Variants in MON2 observed in about 807,000 individuals in gnomAD.
MON2 encodes MON2 regulator of endosome-to-Golgi trafficking.
In MON2, 84 loss-of-function variants were observed where a neutral mutation model predicts 208.6. The ratio of observed to expected loss-of-function variants is 0.40; its 90% confidence interval spans 0.34 to 0.48. MON2 has a LOEUF of 0.48. Among genes scored for constraint, MON2 ranks in the 20% least tolerant of loss-of-function variants. The pLI is 0.59. For synonymous variants in MON2, 660 were observed against 694.0 expected (o/e 0.95, Z 0.77); for missense variants, 1,611 against 2,015.4 (o/e 0.80, Z 3.84).
intron 20 of MON2, among the ~76,000 whole-genome samples, chr12:62,543,595 T>C (rs1443122811): frequency 1.3e-5 from 2 of 152,088 alleles, no homozygotes; most frequent in African/African-American, 2.4e-5. Flanking sequence ...CATCATGAGA[T>C]AGCTTTTTTT....
chr12:62,469,958 G>T (rs1238868443), intron 1 of MON2, among the ~76,000 whole-genome samples: 1 of 151,004 alleles, frequency 6.6e-6, no homozygotes, highest in African/African-American at 2.4e-5. Flanking sequence ...GGCTGGAAGT[G>T]CAGTGGCAGG....
chr12:62,516,197 C>T (rs1283227913), intron 8 of MON2, among the ~76,000 whole-genome samples: 1 of 152,116 alleles, frequency 6.6e-6, no homozygotes, highest in Non-Finnish European at 1.5e-5. Flanking sequence ...CATGTTCTCA[C>T]TCGTTTGTAA....
At chr12:62,483,224 G>A (rs1333696422) in intron 1 of MON2, among the ~76,000 whole-genome samples, 3 of 152,012 alleles carry the variant, frequency 2.0e-5, no homozygotes, top group African/African-American at 7.2e-5. Flanking sequence ...GCTCAATTCA[G>A]ACTGGCCACA....
intron 27 of MON2, among the ~76,000 whole-genome samples, chr12:62,565,778 A>AT (rs2074359065): frequency 2.0e-5 from 3 of 152,210 alleles, no homozygotes; most frequent in African/African-American, 7.2e-5. Context: ...AACTGTTTGT[A>AT]CTAAATAAGA....
intron 1 of MON2, among the ~76,000 whole-genome samples, chr12:62,469,197 G>A (rs1179536298): frequency 1.3e-5 from 2 of 149,370 alleles, no homozygotes; most frequent in East Asian, 3.9e-4. Context: ...CCCACCTCTG[G>A]CTCCCAAAGT....
chr12:62,562,613 AGAGT>A (rs1207716758), intron 26 of MON2, among the ~76,000 whole-genome samples: 22 of 152,242 alleles, frequency 1.4e-4, no homozygotes, highest in African/African-American at 5.1e-4. Context: ...TTTTATTATC[AGAGT>A]GTTTTTATAT....
Position 62,565,293 on chromosome 12 carries a change from G to A in MON2, c.4089G>A (p.Gln1363=), listed in dbSNP as rs529887340. The change falls in exon 27 of 35, where the codon CAG becomes CAA. Residue 1363 remains glutamine, a synonymous_variant. Transcript: ENST00000393630. The part of the protein sequence containing the change: ...MQIMYPAIFD[Q]LLAFVEFSCK... The stretch of plus-strand genomic sequence containing the variant: ...TAATGTATCCAGCTATATTTGACCA[G>A]TTGTTGGCATTTGTAGAATTTTCCT... The A allele has an allele frequency of 1.0e-4, 164 of 1,613,208 alleles. 2 individuals are homozygous for A. In the South Asian group the frequency reaches 1.7e-3, roughly 17 times the overall value.
At position 62,560,706 on chromosome 12, in the gene MON2, T is replaced by A. The variant is rs1209121215; in HGVS notation, c.3625T>A (p.Phe1209Ile). The change falls in exon 26 of 35, where the codon TTT becomes ATT. Residue 1209 changes from phenylalanine to isoleucine, a missense_variant. Transcript: ENST00000393630. ...IGPISGMSRPFVRTDSIGEKL... is the reference protein window; with the variant it reads ...IGPISGMSRPIVRTDSIGEKL... ...GCCCATATCAGGCATGAGCAGGCCA[T>A]TTGTAAGAACAGATTCCATTGGAGA... is the stretch of plus-strand genomic sequence containing the variant. 4.3e-6 allele frequency: 7 copies of A among 1,614,102 alleles called. No homozygotes were observed. The highest frequency in any genetic ancestry group is 5.9e-6 in the Non-Finnish European group (7 of 1,179,992).
intron 11 of MON2, among the ~76,000 whole-genome samples, chr12:62,527,103 G>A (rs2072371835): frequency 6.6e-6 from 1 of 152,126 alleles, no homozygotes; most frequent in African/African-American, 2.4e-5. Context: ...TCCAGCCTGG[G>A]TGACAGAGTG....
chr12:62,492,719 G>T (rs1217637586), intron 2 of MON2, among the ~76,000 whole-genome samples: 1 of 143,656 alleles, frequency 7.0e-6, no homozygotes, highest in Non-Finnish European at 1.5e-5. Context: ...GGTGGCTCAC[G>T]CCTGTAATCC....
chr12:62,543,598 CT>C (rs896992311), intron 20 of MON2, among the ~76,000 whole-genome samples: 1 of 150,060 alleles, frequency 6.7e-6, no homozygotes. Context: ...CATGAGATAG[CT>C]TTTTTTTTTC....
intron 19 of MON2, among the ~76,000 whole-genome samples, chr12:62,539,019 C>T (rs150819514): frequency 1.2e-4 from 19 of 152,074 alleles, no homozygotes; most frequent in African/African-American, 4.1e-4. Flanking sequence ...TATTAACATT[C>T]AAGAACATTT....
At chr12:62,557,433 T>C (rs1221285579) in intron 25 of MON2, among the ~76,000 whole-genome samples, 1 of 152,224 alleles carries the variant, frequency 6.6e-6, no homozygotes, top group Non-Finnish European at 1.5e-5. Context: ...CATCTTACAA[T>C]GCAGCCTCCT....
At chr12:62,556,285 A>T in intron 25 of MON2, 93 bp downstream of exon 25, 1 of 1,192,540 alleles carries the variant, frequency 8.4e-7, no homozygotes, top group Non-Finnish European at 1.2e-6. Flanking sequence ...ATCTTAACTT[A>T]GTCTTTATGT....
chr12:62,555,673 G>A (rs1416855664), intron 24 of MON2, among the ~76,000 whole-genome samples: 2 of 152,030 alleles, frequency 1.3e-5, no homozygotes, highest in Non-Finnish European at 2.9e-5. Flanking sequence ...AGCTGGTGTG[G>A]TGGTGGACAC....
chr12:62,517,793 C>G (rs1343974428), intron 8 of MON2, among the ~76,000 whole-genome samples: 4 of 152,162 alleles, frequency 2.6e-5, no homozygotes, highest in Non-Finnish European at 4.4e-5. Flanking sequence ...ATACTTGGGC[C>G]AAGCTGAGAT....
At chr12:62,568,711 G>A (rs1047796208) in intron 29 of MON2, among the ~76,000 whole-genome samples, 1 of 152,006 alleles carries the variant, frequency 6.6e-6, no homozygotes, top group Non-Finnish European at 1.5e-5. Flanking sequence ...CTGGGCTGGA[G>A]TGCAGTGGCT....
At chr12:62,564,497 GAA>G (rs200141142) in intron 26 of MON2, among the ~76,000 whole-genome samples, 1 of 148,704 alleles carries the variant, frequency 6.7e-6, no homozygotes. Flanking sequence ...TTTGTGGCTA[GAA>G]AAAAAAACCC....
Position 62,596,465 on chromosome 12 carries a change from A to G in MON2, c.*3716A>G, listed in dbSNP as rs905479252. The stretch of plus-strand genomic sequence containing the variant: ...AAAACTACCACAGATGTAGACAAAA[A>G]TGATCTCTGAAAGCATTGCCAGCAG... On this transcript the variant is annotated 3_prime_UTR_variant, in exon 35 of 35. Coordinates refer to ENST00000393630, the MANE Select transcript of MON2 (RefSeq NM_015026.3). 1 of 152,222 alleles carries G rather than the reference A, an allele frequency of 6.6e-6. No individual in the cohort carries two copies. The highest frequency in any genetic ancestry group is 1.5e-5 in the Non-Finnish European group (1 of 68,040). 9.4% of individuals were successfully genotyped at this position (152,222 alleles called of 1,614,324 possible). A position where few individuals can be genotyped will look rare whatever the true frequency, so the allele number is the denominator to read the frequency against.
Sources: gnomAD v4.1 joint callset for allele counts (sites outside exome capture counted in the v4.1 genomes callset) on GRCh38, gnomAD v4.1.1 for gene constraint, MANE v1.5 for transcripts, NCBI Gene and HGNC (gene_info 2026-07-23, HGNC 2026-07-21) for gene names.